The following DOCK10 variants were observed in gnomAD, a reference collection of about 807,000 sequenced individuals.
DOCK10 encodes dedicator of cytokinesis protein 10.
DOCK10 carries 145 observed loss-of-function variants against 280.1 expected under a neutral mutation model. The ratio of observed to expected loss-of-function variants is 0.52; its 90% CI spans 0.45 to 0.59. DOCK10 has a LOEUF of 0.59. Among genes scored for constraint, DOCK10 ranks in the 20% least tolerant of loss-of-function variants. DOCK10 has a pLI of 0.00. For synonymous variants in DOCK10, 915 were observed against 942.2 expected, an observed-to-expected ratio of 0.97 and a Z score of 0.53; for missense variants, 2,368 against 2,651.7, an observed-to-expected ratio of 0.89 and a Z score of 2.35.
chr2:225,025,861 T>C (rs1689906404), intron 1 of DOCK10, among the ~76,000 whole-genome samples: 1 of 152,174 alleles, frequency 6.6e-6, no homozygotes, highest in African/African-American at 2.4e-5. Flanking sequence ...CATCTATCCA[T>C]CCATCTAACC....
chr2:224,803,637 G>A (rs1693160429), intron 39 of DOCK10, among the ~76,000 whole-genome samples: 1 of 152,064 alleles, frequency 6.6e-6, no homozygotes, highest in East Asian at 1.9e-4. Flanking sequence ...GACTATCCAT[G>A]CTTCCTCATT....
intron 1 of DOCK10, among the ~76,000 whole-genome samples, chr2:225,000,984 A>T (rs1706416634): frequency 6.6e-6 from 1 of 152,222 alleles, no homozygotes; most frequent in African/African-American, 2.4e-5. Flanking sequence ...AAAAAGAAAA[A>T]AAATTAATCA....
At chr2:224,949,114 C>T (rs1031411078) in intron 1 of DOCK10, among the ~76,000 whole-genome samples, 2 of 152,184 alleles carry the variant, frequency 1.3e-5, no homozygotes, top group Non-Finnish European at 2.9e-5. Flanking sequence ...AGGGGAAAAT[C>T]CAGAAGCATG....
chr2:224,945,737 C>G (rs1002212452), intron 1 of DOCK10, among the ~76,000 whole-genome samples: 2 of 151,938 alleles, frequency 1.3e-5, no homozygotes, highest in Non-Finnish European at 2.9e-5. Context: ...AAAGATGTTT[C>G]TATGAACAAA....
In DOCK10 at chr2:224,852,992, AT is replaced by A; in HGVS notation, c.2018del (p.Asn673IlefsTer24). 3 of 1,610,258 alleles carry A rather than the reference AT, an allele frequency of 1.9e-6. No homozygotes were observed. Among genetic ancestry groups the A allele is most frequent in the Non-Finnish European group, 2.5e-6 (3 of 1,177,670 alleles). ...KYCRPYRVYK[N>X]QIYIYPKHLK... ...GGTGTTTGGGGTAAATATAAATTTG[AT>A]TTTTATATACTCTGTAAGGCCGACA... On this transcript the variant is annotated frameshift_variant, in exon 17 of 56. Coordinates refer to ENST00000258390, the MANE Select transcript of DOCK10 (RefSeq NM_014689.3). LOFTEE classifies it high-confidence loss of function.
At chr2:224,973,889 G>T (rs1349149329) in intron 1 of DOCK10, among the ~76,000 whole-genome samples, 1 of 152,128 alleles carries the variant, frequency 6.6e-6, no homozygotes, top group Non-Finnish European at 1.5e-5. Context: ...TGTAAATCAG[G>T]GCTGGCATGT....
intron 1 of DOCK10, among the ~76,000 whole-genome samples, chr2:225,012,214 T>G (rs563762845): frequency 6.6e-6 from 1 of 152,316 alleles, no homozygotes; most frequent in East Asian, 1.9e-4. Context: ...AGTTGGTAGC[T>G]TAACGGCTCT....
chr2:224,827,659 T>C (rs1694956049), intron 27 of DOCK10, among the ~76,000 whole-genome samples: 1 of 152,218 alleles, frequency 6.6e-6, no homozygotes, highest in African/African-American at 2.4e-5. Context: ...CAGTGAGGTT[T>C]CCTGACCCCA....
chr2:225,009,234 A>C (rs1408291482), intron 1 of DOCK10, among the ~76,000 whole-genome samples: 1 of 152,244 alleles, frequency 6.6e-6, no homozygotes, highest in Non-Finnish European at 1.5e-5. Context: ...TTCCAACTAC[A>C]GAAGAGTATT....
intron 2 of DOCK10, among the ~76,000 whole-genome samples, chr2:224,918,178 C>T (rs991564570): frequency 3.3e-5 from 5 of 152,226 alleles, no homozygotes; most frequent in African/African-American, 1.2e-4. Flanking sequence ...CCTTTCTTCA[C>T]TCCTGATGTA....
chr2:224,823,613 T>C lies in DOCK10; in HGVS notation c.3071A>G (p.Gln1024Arg). 1 of 1,603,828 alleles carries C rather than the reference T, an allele frequency of 6.2e-7. No homozygotes were observed. The change falls in exon 28 of 56, where the codon CAA becomes CGA. Residue 1024 changes from glutamine to arginine, a missense_variant. Coordinates refer to ENST00000258390, the MANE Select transcript of DOCK10 (RefSeq NM_014689.3). ...CATGACAAGATTGTCCAATTCATTTTGGTAAGATTCAGGAAATCTCTGAGG... is the reference window on the plus strand; with the variant it reads ...CATGACAAGATTGTCCAATTCATTTCGGTAAGATTCAGGAAATCTCTGAGG... ...PRPQRFPESYQNELDNLVMVL... is the reference protein window; with the variant it reads ...PRPQRFPESYRNELDNLVMVL...
intron 1 of DOCK10, among the ~76,000 whole-genome samples, chr2:225,019,445 C>CTTT (rs11399371): frequency 0.036 from 5,040 of 139,656 alleles, 213 homozygotes; most frequent in East Asian, 0.11. Context: ...GTGGTTTAAT[C>CTTT]TTTTTTTTTT....
rs80202990 is a variant in DOCK10, at chr2:224,970,522, A to G, written c.124-38854T>C. Among the ~76,000 whole-genome samples the G allele has an allele frequency of 4.1e-3, 632 of 152,336 alleles. 6 individuals are homozygous for G. The highest frequency in any genetic ancestry group is 0.014 in the African/African-American group (597 of 41,572). On this transcript the variant is annotated intron_variant, in intron 1 of 55. Transcript: ENST00000258390. The surrounding 1 kb of genome is among the most constrained non-coding windows in gnomAD (Gnocchi z 4.6). ...ATTTCCGGATTCAGACTTCTGCAAC[A>G]TGACAGAGATAGATGTCTGTTCCCA...
At position 224,876,082 on chromosome 2, in the gene DOCK10, G is replaced by A. The variant is rs1403113275; in HGVS notation, c.887C>T (p.Pro296Leu). 1 of 1,613,800 alleles carries A rather than the reference G, an allele frequency of 6.2e-7. No homozygotes were observed. Among genetic ancestry groups the A allele is most frequent in the South Asian group, 1.1e-5 (1 of 91,048 alleles). ...NRILQISPEG[P>L]LQGRRSTELT... Reference sequence around the variant, plus strand: ...CTCTGTGCTCCTCCTCCCTTGGAGGGGCCCCTCAGGACTGATTTGCAGAAT... The same window carrying A: ...CTCTGTGCTCCTCCTCCCTTGGAGGAGCCCCTCAGGACTGATTTGCAGAAT... Residue 296 changes from proline (P) to leucine (L), a missense_variant, in exon 8 of 56, where the codon CCC (proline) becomes CTC (leucine). By Grantham distance (98) the Pro-to-Leu change is moderately conservative. This residue lies in a region of DOCK10 where 1,209 missense variants were observed against 1,250.9 expected (regional missense o/e 0.97). Transcript: ENST00000258390.
intron 1 of DOCK10, among the ~76,000 whole-genome samples, chr2:224,941,386 C>T (rs74585906): frequency 6.6e-6 from 1 of 152,176 alleles, no homozygotes; most frequent in Non-Finnish European, 1.5e-5. Flanking sequence ...TTTTTCTTCA[C>T]TCCCTGTTGG....
At chr2:224,961,252 A>G (rs1440197152) in intron 1 of DOCK10, among the ~76,000 whole-genome samples, 3 of 152,090 alleles carry the variant, frequency 2.0e-5, no homozygotes, top group Non-Finnish European at 4.4e-5. Context: ...TGGCAACTAA[A>G]CTTGAGAAAT....
In DOCK10 at chr2:224,916,718, C is replaced by T. The variant is rs1701347454; in HGVS notation, c.310G>A (p.Ala104Thr). The change falls in exon 3 of 56, where the codon GCA becomes ACA. Residue 104 changes from alanine to threonine, a missense_variant. Ala to Thr is a moderately conservative substitution (Grantham distance 58, BLOSUM62 0). Around this residue, in one of 2 missense-constraint regions of DOCK10, gnomAD observed 1,209 missense variants for 1,250.9 expected, o/e 0.97. Coordinates refer to ENST00000258390, the MANE Select transcript of DOCK10 (RefSeq NM_014689.3). ...STVPEDAEHKAENLLVKEACK... is the reference protein window; with the variant it reads ...STVPEDAEHKTENLLVKEACK... ...ACCTCCTTAACCAGTAAATTTTCTG[C>T]CTTGTGCTCTGCATCTTCAGGTACT... The T allele has an allele frequency of 1.2e-6, 2 of 1,610,606 alleles. No homozygotes were observed. Among genetic ancestry groups the T allele is most frequent in the Non-Finnish European group, 1.7e-6 (2 of 1,178,276 alleles).
At chr2:224,816,837 G>A (rs13406583) in intron 29 of DOCK10, 124 bp from the exon 30 acceptor site, 6 of 600,380 alleles carry the variant, frequency 1.0e-5, no homozygotes, top group African/African-American at 3.8e-5. Context: ...TACACTTGTC[G>A]GACCACTAGG....
intron 45 of DOCK10, among the ~76,000 whole-genome samples, 169 bp from the exon 46 acceptor site, chr2:224,793,626 A>C (rs532144830): frequency 2.0e-5 from 3 of 152,262 alleles, no homozygotes; most frequent in Non-Finnish European, 4.4e-5. Flanking sequence ...TTCACCATCA[A>C]GAATAAAATG....
Sources: gnomAD v4.1 joint callset for allele counts (sites outside exome capture counted in the v4.1 genomes callset) on GRCh38, gnomAD v4.1.1 for gene constraint, gnomAD v4.1.1 regional missense constraint, Gnocchi (gnomAD v3.1) non-coding constraint, MANE v1.5 for transcripts, NCBI Gene and HGNC (gene_info 2026-07-23, HGNC 2026-07-21) for gene names.